The following C21orf58 variants were observed in gnomAD, a reference collection of about 807,000 sequenced individuals.
C21orf58 encodes uncharacterized protein C21orf58.
C21orf58 carries 34 observed loss-of-function variants against 35.8 expected under a neutral mutation model. The observed-to-expected ratio is 0.95, with a 90% CI of 0.72 to 1.26. The LOEUF (loss-of-function observed/expected upper bound fraction) is 1.26, where lower values mean the gene tolerates loss of function less well. Ranked by LOEUF, C21orf58 falls within the 50% of genes most tolerant of loss-of-function variation. C21orf58 has a pLI of 0.00. For missense variants in C21orf58, 440 were observed against 414.3 expected, an observed-to-expected ratio of 1.06 and a Z score of -0.54; for synonymous variants, 191 against 175.8, an observed-to-expected ratio of 1.09 and a Z score of -0.68.
intron 5 of C21orf58, among the ~76,000 whole-genome samples, chr21:46,313,547 A>G (rs1225025718): frequency 6.6e-6 from 1 of 152,242 alleles, no homozygotes. Context: ...ACCTGCAGGC[A>G]TAACTGGCCC....
At chr21:46,319,907 A>AT (rs2083097895) in intron 1 of C21orf58, among the ~76,000 whole-genome samples, 1 of 151,938 alleles carries the variant, frequency 6.6e-6, no homozygotes, top group South Asian at 2.1e-4. Context: ...TGGAAAAAAA[A>AT]TAAAAAAAAT....
At chr21:46,321,607 C>G (rs944096296) in intron 1 of C21orf58, among the ~76,000 whole-genome samples, 2 of 152,132 alleles carry the variant, frequency 1.3e-5, no homozygotes, top group African/African-American at 4.8e-5. Context: ...TCTATTATCT[C>G]CTGGTTAGAC....
chr21:46,303,622 CAGG>C (rs1321577700), intron 6 of C21orf58, among the ~76,000 whole-genome samples: 12 of 142,248 alleles, frequency 8.4e-5, no homozygotes, highest in African/African-American at 1.6e-4. Flanking sequence ...GAGACCGAGA[CAGG>C]AGAAGTCCTT....
In C21orf58 at chr21:46,315,467, G is replaced by A; in HGVS notation, c.444+7C>T. 2 of 1,569,400 alleles carry A rather than the reference G, an allele frequency of 1.3e-6. No homozygotes were observed. Among genetic ancestry groups the A allele is most frequent in the East Asian group, 2.2e-5 (1 of 44,656 alleles). ...AGCCAGGTTCGCTCAGAGGGTGCAG[G>A]GCCTACCCGGAGTCTCTGCAGAAGG... On this transcript the variant is annotated splice_region_variant and intron_variant, in intron 4 of 7. Transcript: ENST00000291691.
intron 5 of C21orf58, among the ~76,000 whole-genome samples, chr21:46,313,542 C>G (rs906050489): frequency 1.3e-5 from 2 of 152,204 alleles, no homozygotes; most frequent in African/African-American, 4.8e-5. Context: ...GTGAAACCTG[C>G]AGGCATAACT....
At chr21:46,315,726 G>C (rs922694896) in intron 3 of C21orf58, among the ~76,000 whole-genome samples, 179 bp from the exon 4 acceptor site, 2 of 152,192 alleles carry the variant, frequency 1.3e-5, no homozygotes, top group Non-Finnish European at 2.9e-5. Flanking sequence ...GACCAGTGTT[G>C]GGTAAGGAGG....
intron 3 of C21orf58, among the ~76,000 whole-genome samples, chr21:46,315,756 G>C (rs2082953035): frequency 6.6e-6 from 1 of 152,176 alleles, no homozygotes; most frequent in South Asian, 2.1e-4. Context: ...AGCATCAGGG[G>C]AGGGGTAATC....
chr21:46,322,028 C>A (rs769349914), intron 1 of C21orf58, among the ~76,000 whole-genome samples: 5 of 150,962 alleles, frequency 3.3e-5, no homozygotes, highest in African/African-American at 4.9e-5. Context: ...GTTGCTCATG[C>A]CTGTAACTCC....
At position 46,318,038 on chromosome 21, in the gene C21orf58, G is replaced by A. The variant is rs552181205; in HGVS notation, c.283C>T (p.Arg95Ter). Residue 95 changes from arginine (R) to a stop codon, truncating the protein, a stop_gained, in exon 2 of 8, where the codon CGA becomes TGA. Coordinates refer to ENST00000291691, the MANE Select transcript of C21orf58 (RefSeq NM_058180.5). LOFTEE classifies it high-confidence loss of function. Reference sequence around the variant, plus strand: ...TGTCCCAAGAGCTTCAGCGTCAGTCGGGTCACTTGCTCTGCTGCTGATGAG... The same window carrying A: ...TGTCCCAAGAGCTTCAGCGTCAGTCAGGTCACTTGCTCTGCTGCTGATGAG... ...LDSSAAEQVT[R>*]LTLKLLGQKL... is the part of the protein sequence containing the mutation. The A allele has an allele frequency of 2.4e-5, 39 of 1,613,438 alleles. No individual in the cohort carries two copies. The highest frequency in any genetic ancestry group is 1.6e-4 in the East Asian group (7 of 44,882).
chr21:46,305,554 T>A (rs2082377564), intron 6 of C21orf58, among the ~76,000 whole-genome samples: 1 of 152,008 alleles, frequency 6.6e-6, no homozygotes, highest in Admixed American at 6.6e-5. Flanking sequence ...GGTCTTGAAC[T>A]CCTAGGCTCA....
chr21:46,317,298 G>A (rs575227012), intron 2 of C21orf58, 30 bp from the exon 3 acceptor site: 36 of 1,606,004 alleles, frequency 2.2e-5, no homozygotes, highest in Non-Finnish European at 2.6e-5. Flanking sequence ...TGACAGAGAC[G>A]GTGGCTCCAC....
At chr21:46,312,126 T>A (rs538027651) in intron 5 of C21orf58, among the ~76,000 whole-genome samples, 2 of 151,984 alleles carry the variant, frequency 1.3e-5, no homozygotes, top group African/African-American at 4.8e-5. Context: ...CATCCATTCA[T>A]CCATCCAAGG....
chr21:46,310,275 G>A (rs1362320883), intron 6 of C21orf58, among the ~76,000 whole-genome samples: 4 of 151,274 alleles, frequency 2.6e-5, no homozygotes, highest in African/African-American at 4.9e-5. Context: ...TCAGGAGTTC[G>A]AGACCAGCCT....
chr21:46,318,466 C>T, intron 1 of C21orf58: 3 of 1,397,540 alleles, frequency 2.1e-6, no homozygotes, highest in South Asian at 3.1e-5. Flanking sequence ...GCAGAACCCT[C>T]AGACCTGGGG....
intron 1 of C21orf58, chr21:46,318,967 G>A (rs2083072735): frequency 1.9e-6 from 1 of 540,236 alleles, no homozygotes; most frequent in South Asian, 8.0e-5. Flanking sequence ...CAGACCTGTG[G>A]ACCCGAGGGG....
intron 6 of C21orf58, among the ~76,000 whole-genome samples, chr21:46,303,741 A>ATTTTTTT (rs2082269193): frequency 4.1e-5 from 1 of 24,270 alleles, no homozygotes. Context: ...ATATATATAT[A>ATTTTTTT]TATATTTTTT....
chr21:46,318,472 T>TG, intron 1 of C21orf58: 1 of 1,388,634 alleles, frequency 7.2e-7, no homozygotes, highest in Non-Finnish European at 9.3e-7. Context: ...CCCTCAGACC[T>TG]GGGGGAAGGG....
At chr21:46,318,823 A>C in intron 1 of C21orf58, 2 of 987,466 alleles carry the variant, frequency 2.0e-6, no homozygotes, top group Non-Finnish European at 2.4e-6. Flanking sequence ...TCAAGTTTGC[A>C]GGAAGCTTCG....
chr21:46,312,811 G>A (rs545834049), intron 5 of C21orf58, among the ~76,000 whole-genome samples: 24 of 152,312 alleles, frequency 1.6e-4, no homozygotes, highest in African/African-American at 4.3e-4. Context: ...CCCAACAGGC[G>A]TTCTCAATTC....
Sources: gnomAD v4.1 joint callset for allele counts (sites outside exome capture counted in the v4.1 genomes callset) on GRCh38, gnomAD v4.1.1 for gene constraint, MANE v1.5 for transcripts, NCBI Gene and HGNC (gene_info 2026-07-23, HGNC 2026-07-21) for gene names.